Variants in FTO observed in about 807,000 individuals in gnomAD.
FTO encodes alpha-ketoglutarate-dependent dioxygenase FTO.
In FTO, 47 loss-of-function variants were observed where a neutral mutation model predicts 63.9. The ratio of observed to expected loss-of-function variants is 0.74; its 90% CI spans 0.58 to 0.94. The LOEUF (loss-of-function observed/expected upper bound fraction) is 0.94, where lower values mean the gene tolerates loss of function less well. Ranked by LOEUF, FTO falls within the 40% of genes least tolerant of loss-of-function variation. The probability of loss-of-function intolerance (pLI) is 0.00; values close to 1 mark genes in which losing one functional copy is unlikely to be tolerated. For synonymous variants in FTO, 207 were observed against 224.4 expected, an observed-to-expected ratio of 0.92 and a Z score of 0.69; for missense variants, 562 against 618.1, an observed-to-expected ratio of 0.91 and a Z score of 0.96.
chr16:53,878,410 C>G (rs2080729191), intron 5 of FTO, among the ~76,000 whole-genome samples: 1 of 152,098 alleles, frequency 6.6e-6, no homozygotes, highest in South Asian at 2.1e-4. Flanking sequence ...GCTGCCTGCC[C>G]TTATGCACCC....
At chr16:54,006,526 A>G (rs1209758051) in intron 8 of FTO, among the ~76,000 whole-genome samples, 1 of 152,208 alleles carries the variant, frequency 6.6e-6, no homozygotes, top group African/African-American at 2.4e-5. Flanking sequence ...AAATAATGGG[A>G]AATACATTTC....
At chr16:53,816,065 C>T (rs2078678583) in intron 2 of FTO, among the ~76,000 whole-genome samples, 1 of 152,130 alleles carries the variant, frequency 6.6e-6, no homozygotes, top group African/African-American at 2.4e-5. Flanking sequence ...CCTGACTCTG[C>T]TGTGCCCTCT....
At chr16:54,081,202 G>A (rs577964579) in intron 8 of FTO, among the ~76,000 whole-genome samples, 1 of 152,148 alleles carries the variant, frequency 6.6e-6, no homozygotes, top group South Asian at 2.1e-4. Context: ...AGAGAGAAGA[G>A]GTAACTGACA....
At chr16:53,935,310 T>A (rs1659640431) in intron 8 of FTO, among the ~76,000 whole-genome samples, 1 of 152,218 alleles carries the variant, frequency 6.6e-6, no homozygotes, top group Admixed American at 6.5e-5. Context: ...AATTGATAGC[T>A]TTACTAGTAA....
At chr16:53,785,550 G>A (rs1465493804) in intron 1 of FTO, among the ~76,000 whole-genome samples, 1 of 152,102 alleles carries the variant, frequency 6.6e-6, no homozygotes, top group Non-Finnish European at 1.5e-5. Flanking sequence ...ATCATTTGAA[G>A]GACAGAAAGA....
intron 1 of FTO, among the ~76,000 whole-genome samples, chr16:53,781,703 A>T (rs181700186): frequency 9.2e-5 from 14 of 152,312 alleles, no homozygotes; most frequent in Admixed American, 7.8e-4. Context: ...TCAGCCTCTA[A>T]AAAGTAATAG....
At chr16:53,966,115 A>G (rs545252150) in intron 8 of FTO, among the ~76,000 whole-genome samples, 1 of 152,270 alleles carries the variant, frequency 6.6e-6, no homozygotes, top group South Asian at 2.1e-4. Context: ...TGATCCGCCC[A>G]CCTTGTCCTC....
intron 8 of FTO, chr16:53,984,801 A>G: frequency 7.6e-6 from 3 of 396,738 alleles, no homozygotes; most frequent in South Asian, 3.9e-5. Flanking sequence ...AGTCAGTGAT[A>G]TTGGGATATG....
chr16:53,779,549 C>T (rs2077537996), intron 1 of FTO, among the ~76,000 whole-genome samples: 1 of 152,180 alleles, frequency 6.6e-6, no homozygotes, highest in Non-Finnish European at 1.5e-5. Flanking sequence ...CTTCTACGGG[C>T]TTCCTTGGAG....
At chr16:54,012,420 T>C (rs1163026647) in intron 8 of FTO, among the ~76,000 whole-genome samples, 3 of 152,186 alleles carry the variant, frequency 2.0e-5, no homozygotes, top group Non-Finnish European at 4.4e-5. Context: ...ATAACATAAG[T>C]GCAAGATGAA....
intron 8 of FTO, chr16:54,054,536 T>A (rs2085385890): frequency 6.6e-6 from 1 of 152,198 alleles, no homozygotes; most frequent in African/African-American, 2.4e-5. Context: ...ACCTTGTTAT[T>A]AGTGCCTCTG....
At chr16:53,833,271 G>A (rs1380564858) in intron 3 of FTO, among the ~76,000 whole-genome samples, 4 of 152,066 alleles carry the variant, frequency 2.6e-5, no homozygotes, top group African/African-American at 4.8e-5. Context: ...TTTTGTTTCC[G>A]GTTTCGGATA....
chr16:53,787,046 G>T (rs1402350961), intron 1 of FTO, among the ~76,000 whole-genome samples: 2 of 139,936 alleles, frequency 1.4e-5, no homozygotes, highest in African/African-American at 5.4e-5. Flanking sequence ...AGGAGGCAGA[G>T]GTTGCAGTGA....
intron 1 of FTO, among the ~76,000 whole-genome samples, chr16:53,722,791 G>T (rs2076070180): frequency 6.6e-6 from 1 of 150,662 alleles, no homozygotes; most frequent in African/African-American, 2.5e-5. Flanking sequence ...TTGCACCACT[G>T]CACTCCAGCC....
At chr16:53,963,215 T>G (rs2083121904) in intron 8 of FTO, among the ~76,000 whole-genome samples, 1 of 152,170 alleles carries the variant, frequency 6.6e-6, no homozygotes, top group African/African-American at 2.4e-5. Context: ...GCTGCATGTG[T>G]GCATTTCAGA....
At chr16:54,083,716 C>T (rs2086201480) in intron 8 of FTO, among the ~76,000 whole-genome samples, 1 of 152,140 alleles carries the variant, frequency 6.6e-6, no homozygotes, top group Non-Finnish European at 1.5e-5. Flanking sequence ...AGACCAACAC[C>T]AACACCAGCA....
At chr16:53,778,849 T>A (rs1358618697) in intron 1 of FTO, among the ~76,000 whole-genome samples, 1 of 127,172 alleles carries the variant, frequency 7.9e-6, no homozygotes, top group Non-Finnish European at 1.7e-5. Context: ...TAAATCAATG[T>A]GATTGTGGAT....
intron 1 of FTO, among the ~76,000 whole-genome samples, chr16:53,763,423 T>C (rs1298665846): frequency 1.3e-5 from 2 of 152,216 alleles, no homozygotes; most frequent in South Asian, 2.1e-4. Flanking sequence ...TATTTTAATG[T>C]AGTATGTCTG....
intron 1 of FTO, among the ~76,000 whole-genome samples, chr16:53,768,468 T>C (rs899249054): frequency 6.6e-6 from 1 of 152,184 alleles, no homozygotes; most frequent in Non-Finnish European, 1.5e-5. Flanking sequence ...GGTGGGGTTG[T>C]GGCTTTTTTT....
Sources: allele counts gnomAD v4.1 joint callset (sites outside exome capture counted in the v4.1 genomes callset), GRCh38; gene constraint gnomAD v4.1.1; transcripts MANE v1.5; gene names NCBI Gene and HGNC (gene_info 2026-07-23, HGNC 2026-07-21).